The following MKLN1 variants were observed in gnomAD, a reference collection of about 807,000 sequenced individuals.
The protein encoded by MKLN1 is muskelin 1.
Under a neutral mutation model 99.0 loss-of-function variants are expected in MKLN1, and 18 were observed. The observed-to-expected ratio is 0.18, with a 90% CI of 0.13 to 0.27. The LOEUF (loss-of-function observed/expected upper bound fraction) is 0.27, where lower values mean the gene tolerates loss of function less well. MKLN1 is among the 10% of genes least tolerant of loss of function. MKLN1 has a pLI of 1.00. For missense variants in MKLN1, 621 were observed against 875.9 expected (o/e 0.71, Z 3.67); for synonymous variants, 288 against 293.2 (o/e 0.98, Z 0.18).
intron 3 of MKLN1, among the ~76,000 whole-genome samples, chr7:131,274,306 G>A (rs571450618): frequency 2.0e-5 from 3 of 152,150 alleles, no homozygotes; most frequent in African/African-American, 7.2e-5. Context: ...CCTTCCTTGT[G>A]TGTTGCCCAA....
intron 1 of MKLN1, among the ~76,000 whole-genome samples, chr7:131,354,012 T>C (rs141126097): frequency 1.3e-5 from 2 of 152,164 alleles, no homozygotes; most frequent in African/African-American, 2.4e-5. Flanking sequence ...TATTATACTT[T>C]ATTGATTATG....
chr7:131,428,751 C>G (rs1040192137), intron 8 of MKLN1, among the ~76,000 whole-genome samples: 1 of 152,076 alleles, frequency 6.6e-6, no homozygotes, highest in African/African-American at 2.4e-5. Context: ...CCATTTTTAC[C>G]CATTGAAAAC....
intron 6 of MKLN1, among the ~76,000 whole-genome samples, chr7:131,406,930 CA>C (rs760738842): frequency 1.3e-5 from 2 of 151,996 alleles, no homozygotes; most frequent in Non-Finnish European, 2.9e-5. Context: ...TTTGTAGTTA[CA>C]TTAACAAGGC....
chr7:131,125,848 C>G (rs936692117), intron 1 of MKLN1, among the ~76,000 whole-genome samples: 4 of 150,846 alleles, frequency 2.7e-5, no homozygotes, highest in African/African-American at 9.7e-5. Flanking sequence ...GTTAAAAATA[C>G]AAAAAAAATT....
intron 2 of MKLN1, among the ~76,000 whole-genome samples, chr7:131,173,318 C>T (rs1209417789): frequency 2.6e-5 from 4 of 152,144 alleles, no homozygotes; most frequent in African/African-American, 7.2e-5. Context: ...TGCATTCTGA[C>T]TCATGTGAAA....
intron 1 of MKLN1, among the ~76,000 whole-genome samples, chr7:131,339,691 T>G (rs1047914772): frequency 3.4e-5 from 1 of 29,748 alleles, no homozygotes; most frequent in Non-Finnish European, 6.7e-5. Context: ...AGAGGGAGAC[T>G]CAGTCTCCAA....
chr7:131,373,248 A>G (rs550433214), intron 1 of MKLN1, among the ~76,000 whole-genome samples: 2 of 152,068 alleles, frequency 1.3e-5, no homozygotes, highest in African/African-American at 4.8e-5. Flanking sequence ...GACTAATTTT[A>G]TAGGGACAAT....
chr7:131,194,810 T>TA lies in MKLN1; in HGVS notation c.-296-8043dup, dbSNP rs201807360. Among the ~76,000 whole-genome samples the TA allele has an allele frequency of 6.7e-3, 1,019 of 152,326 alleles. 5 individuals are homozygous for TA. Among genetic ancestry groups the TA allele is most frequent in the Non-Finnish European group, 0.011 (769 of 68,026 alleles). ...CTTTTGAAGAGCTCATTAAAACTGC[T>TA]AAAATAAAGTCTTAGAAGCAGGTGC... On this transcript the variant is annotated intron_variant, in intron 2 of 7. Coordinates refer to the MKLN1 transcript ENST00000416992.
At chr7:131,183,432 G>A (rs541295301) in intron 2 of MKLN1, among the ~76,000 whole-genome samples, 1 of 152,220 alleles carries the variant, frequency 6.6e-6, no homozygotes, top group South Asian at 2.1e-4. Context: ...ACCCACTATT[G>A]TACTCCTTCA....
chr7:131,376,818 G>A (rs1793680722), intron 2 of MKLN1, among the ~76,000 whole-genome samples: 1 of 151,676 alleles, frequency 6.6e-6, no homozygotes, highest in African/African-American at 2.4e-5. Context: ...AACTATAATT[G>A]ATGTTTTATT....
intron 6 of MKLN1, 119 bp downstream of exon 6, chr7:131,399,552 G>T: frequency 2.5e-6 from 2 of 792,422 alleles, no homozygotes; most frequent in East Asian, 2.6e-5. Flanking sequence ...TTTTTTACTC[G>T]GTTAAAGATT....
At chr7:131,286,093 G>C (rs1212916653) in intron 3 of MKLN1, among the ~76,000 whole-genome samples, 1 of 152,054 alleles carries the variant, frequency 6.6e-6, no homozygotes. Context: ...TGGGATTACA[G>C]GCATGCGTTA....
chr7:131,186,370 T>G (rs1796450320), intron 2 of MKLN1, among the ~76,000 whole-genome samples: 2 of 152,086 alleles, frequency 1.3e-5, no homozygotes, highest in Non-Finnish European at 2.9e-5. Context: ...GAGCTGGGCA[T>G]GGTAGCACAC....
chr7:131,132,662 C>T (rs536336584), intron 1 of MKLN1, among the ~76,000 whole-genome samples: 1 of 152,080 alleles, frequency 6.6e-6, no homozygotes, highest in Admixed American at 6.5e-5. Context: ...CGGTGGCTCA[C>T]ACCTGTAATC....
Position 131,399,320 on chromosome 7 carries a change from A to G in MKLN1, c.590A>G (p.Gln197Arg). The G allele has an allele frequency of 6.2e-7, 1 of 1,614,054 alleles. No homozygotes were observed. Among genetic ancestry groups the G allele is most frequent in the Non-Finnish European group, 8.5e-7 (1 of 1,179,950 alleles). The change falls in exon 6 of 18, where the codon CAA becomes CGA. Residue 197 changes from glutamine to arginine, a missense_variant. Coordinates refer to ENST00000352689, the MANE Select transcript of MKLN1 (RefSeq NM_013255.5). Reference protein sequence around the residue: ...HNYTEAFESLQKKTKIALEHP... With the variant: ...HNYTEAFESLRKKTKIALEHP... ...TATACAGAAGCTTTTGAGTCACTGC[A>G]AAAGAAAACCAAGATTGCACTGGAA...
chr7:131,134,521 C>T (rs1366801547), intron 1 of MKLN1, among the ~76,000 whole-genome samples: 1 of 152,192 alleles, frequency 6.6e-6, no homozygotes, highest in Non-Finnish European at 1.5e-5. Flanking sequence ...CTGGATATCC[C>T]ACAATTACTG....
chr7:131,349,006 C>G (rs1254511243), intron 1 of MKLN1, among the ~76,000 whole-genome samples: 7 of 152,004 alleles, frequency 4.6e-5, no homozygotes, highest in Admixed American at 3.9e-4. Flanking sequence ...GTTGATATTA[C>G]AGAGTAATTT....
At chr7:131,220,118 C>A (rs1797039892) in intron 3 of MKLN1, among the ~76,000 whole-genome samples, 2 of 152,182 alleles carry the variant, frequency 1.3e-5, no homozygotes, top group South Asian at 2.1e-4. Context: ...TGTTTTCTTT[C>A]CCTCTTTGGA....
intron 1 of MKLN1, among the ~76,000 whole-genome samples, chr7:131,125,074 T>A (rs887037743): frequency 2.6e-5 from 4 of 152,202 alleles, no homozygotes; most frequent in Non-Finnish European, 5.9e-5. Flanking sequence ...CTGTATGCAG[T>A]CAACTACTCC....
Sources: gnomAD v4.1 joint callset for allele counts (sites outside exome capture counted in the v4.1 genomes callset) on GRCh38, gnomAD v4.1.1 for gene constraint, MANE v1.5 for transcripts, NCBI Gene and HGNC (gene_info 2026-07-23, HGNC 2026-07-21) for gene names.